TEKTL1: variants seen among roughly 807,000 people sequenced by gnomAD.
The protein encoded by TEKTL1 is tektin like 1.
chr19:15,013,526 A>T, the TEKTL1 span: 2 of 613,536 alleles, frequency 3.3e-6, no homozygotes, highest in South Asian at 4.2e-5. Flanking sequence ...AGAGTGAGAC[A>T]CCCCACCCAA....
the TEKTL1 span, chr19:15,013,872 A>G: frequency 2.8e-6 from 2 of 725,832 alleles, no homozygotes; most frequent in South Asian, 3.3e-5. Context: ...TCACAATAGC[A>G]ATTCCTTCAA....
the TEKTL1 span, chr19:15,022,814 TC>T: frequency 1.3e-6 from 2 of 1,523,094 alleles, no homozygotes; most frequent in Non-Finnish European, 1.8e-6. Context: ...AGGTGTGCCT[TC>T]CCACGCCAGG....
At chr19:15,013,283 G>A in the TEKTL1 span, among the ~76,000 whole-genome samples, 1 of 152,080 alleles carries the variant, frequency 6.6e-6, no homozygotes, top group East Asian at 1.9e-4. Flanking sequence ...CTCATCATCC[G>A]TATGATATGA....
chr19:15,020,629 C>T, the TEKTL1 span: 102 of 1,613,884 alleles, frequency 6.3e-5, no homozygotes, highest in East Asian at 2.1e-3. Context: ...GAAAACGCCT[C>T]CTCCAGACCC....
the TEKTL1 span, among the ~76,000 whole-genome samples, chr19:15,014,198 T>A: frequency 6.6e-6 from 1 of 152,184 alleles, no homozygotes; most frequent in African/African-American, 2.4e-5. Context: ...CAGCCAGACT[T>A]GATCTCTCGC....
chr19:15,018,736 TC>T, the TEKTL1 span, among the ~76,000 whole-genome samples: 5 of 50,610 alleles, frequency 9.9e-5, 1 homozygote, highest in South Asian at 2.9e-3. Flanking sequence ...ATATATAACT[TC>T]CCTGGATTAC....
chr19:15,014,735 G>GGT, the TEKTL1 span, among the ~76,000 whole-genome samples: 1 of 122,620 alleles, frequency 8.2e-6, no homozygotes, highest in African/African-American at 3.2e-5. Context: ...GGGGGGCGGG[G>GGT]GGCGGGGGCT....
chr19:15,012,677 G>C, the TEKTL1 span, among the ~76,000 whole-genome samples: 1 of 152,140 alleles, frequency 6.6e-6, no homozygotes, highest in African/African-American at 2.4e-5. Context: ...CCCCAGAGGA[G>C]AAAATTATCC....
chr19:15,013,802 C>T, the TEKTL1 span: 1,568 of 1,504,676 alleles, frequency 1.0e-3, 21 homozygotes, highest in African/African-American at 0.018. Flanking sequence ...GGACAAGTTA[C>T]GGGGGCTGGA....
At chr19:15,011,944 A>T in the TEKTL1 span, among the ~76,000 whole-genome samples, 2 of 151,834 alleles carry the variant, frequency 1.3e-5, no homozygotes, top group Non-Finnish European at 2.9e-5. Flanking sequence ...ACAGGTGAGA[A>T]CCTGTCTCTA....
chr19:15,015,143 T>C, the TEKTL1 span, among the ~76,000 whole-genome samples: 1 of 152,158 alleles, frequency 6.6e-6, no homozygotes, highest in African/African-American at 2.4e-5. Context: ...GCCATGATCA[T>C]ACCTCTGCGC....
chr19:15,011,470 G>A, the TEKTL1 span: 13 of 1,272,338 alleles, frequency 1.0e-5, no homozygotes, highest in Admixed American at 3.2e-4. Context: ...GTCCAGCCCC[G>A]GGGAAATCCT....
At chr19:15,021,565 G>A in the TEKTL1 span, 1 of 1,613,524 alleles carries the variant, frequency 6.2e-7, no homozygotes, top group East Asian at 2.2e-5. Flanking sequence ...GACAGGGGAG[G>A]AGACGCGGAC....
the TEKTL1 span, chr19:15,011,271 G>A: frequency 4.5e-5 from 68 of 1,520,898 alleles, no homozygotes; most frequent in Admixed American, 1.3e-4. Context: ...CAGATTAACG[G>A]GCGGGTGCGA....
At chr19:15,011,080 G>C in the TEKTL1 span, 1 of 1,573,112 alleles carries the variant, frequency 6.4e-7, no homozygotes, top group Admixed American at 1.9e-5. Context: ...GCACCTTGGA[G>C]AAGCCGCCGC....
chr19:15,016,664 C>A, the TEKTL1 span, among the ~76,000 whole-genome samples: 3 of 152,174 alleles, frequency 2.0e-5, no homozygotes, highest in African/African-American at 7.2e-5. Flanking sequence ...ATAAAGTGTA[C>A]ACTCTGTAGG....
chr19:15,017,843 A>T, the TEKTL1 span, among the ~76,000 whole-genome samples: 2 of 152,104 alleles, frequency 1.3e-5, no homozygotes, highest in Non-Finnish European at 2.9e-5. Flanking sequence ...CTGGGTAAGG[A>T]GGCAGGAGAT....
At chr19:15,021,315 G>T in the TEKTL1 span, 2 of 1,606,260 alleles carry the variant, frequency 1.2e-6, no homozygotes, top group Non-Finnish European at 1.7e-6. Flanking sequence ...TGGGAACGGA[G>T]GACTTGGCAC....
At chr19:15,022,836 C>G in the TEKTL1 span, 9 of 1,553,678 alleles carry the variant, frequency 5.8e-6, no homozygotes, top group Admixed American at 7.8e-5. Flanking sequence ...TAGCCATCTG[C>G]TCTGGCTCAC....
Sources: allele counts gnomAD v4.1 joint callset (sites outside exome capture counted in the v4.1 genomes callset), GRCh38; gene constraint gnomAD v4.1.1; transcripts MANE v1.5; gene names NCBI Gene and HGNC (gene_info 2026-07-23, HGNC 2026-07-21).